The following TPGS2 variants were observed in gnomAD, a reference collection of about 807,000 sequenced individuals.
TPGS2 encodes tubulin polyglutamylase complex subunit 2.
Under a neutral mutation model 31.1 loss-of-function variants are expected in TPGS2, and 26 were observed. That is an observed-to-expected ratio of 0.84 (90% CI 0.61 to 1.16). TPGS2 has a LOEUF of 1.16. Ranked by LOEUF, TPGS2 falls within the 50% of genes most tolerant of loss-of-function variation. The pLI, the probability that TPGS2 is intolerant of heterozygous loss-of-function variation, is 0.00. For missense variants in TPGS2, 351 were observed against 363.8 expected (o/e 0.96, Z 0.29); for synonymous variants, 130 against 136.6 (o/e 0.95, Z 0.34).
chr18:36,825,153 C>T (rs2046073607), intron 1 of TPGS2, among the ~76,000 whole-genome samples: 1 of 152,114 alleles, frequency 6.6e-6, no homozygotes, highest in South Asian at 2.1e-4. Flanking sequence ...ATGAATCAGG[C>T]CGGGCACGGT....
intron 2 of TPGS2, among the ~76,000 whole-genome samples, chr18:36,809,797 T>C (rs1159915344): frequency 6.6e-6 from 1 of 152,142 alleles, no homozygotes; most frequent in East Asian, 1.9e-4. Context: ...TATCCGCCTT[T>C]CTTAATGGGG....
chr18:36,787,045 C>T (rs1375932265), intron 6 of TPGS2: 5 of 1,233,672 alleles, frequency 4.1e-6, no homozygotes, highest in East Asian at 3.2e-5. Context: ...CCAGTGAACA[C>T]ATTTTCTTCT....
At chr18:36,800,389 T>C in intron 4 of TPGS2, 78 bp from the exon 5 acceptor site, 1 of 1,220,854 alleles carries the variant, frequency 8.2e-7, no homozygotes, top group East Asian at 2.3e-5. Context: ...CTTTGCTAGG[T>C]GGAAAAAACA....
At position 36,796,843 on chromosome 18, in the gene TPGS2, T is replaced by TAGA. The variant is rs754057258; in HGVS notation, c.862_864dup (p.Ser288dup). 6.2e-6 allele frequency: 10 copies of TAGA among 1,606,392 alleles called. No individual in the cohort carries two copies. The highest frequency in any genetic ancestry group is 1.1e-5 in the South Asian group (1 of 89,060). On this transcript the variant is annotated inframe_insertion, in exon 7 of 7. Coordinates refer to ENST00000334295, the MANE Select transcript of TPGS2 (RefSeq NM_015476.4). ...GGGTTTCCAGAGCCAGAGGAGGATT[T>TAGA]AGAAGTGGAGGAAGTGGAGGGACCG...
At chr18:36,803,308 ACTGCTGAT>A in intron 4 of TPGS2, among the ~76,000 whole-genome samples, 1 of 151,938 alleles carries the variant, frequency 6.6e-6, no homozygotes, top group East Asian at 1.9e-4. Context: ...TCTGGTAACC[ACTGCTGAT>A]CTGTTACCTG....
chr18:36,814,098 A>G (rs1470263584), intron 2 of TPGS2, among the ~76,000 whole-genome samples: 3 of 152,226 alleles, frequency 2.0e-5, no homozygotes, highest in Non-Finnish European at 4.4e-5. Context: ...AGTAAACTGA[A>G]TTTTTATCTG....
At chr18:36,786,025 G>A (rs2044117938) in intron 6 of TPGS2, among the ~76,000 whole-genome samples, 1 of 151,146 alleles carries the variant, frequency 6.6e-6, no homozygotes, top group Non-Finnish European at 1.5e-5. Flanking sequence ...TATGGCCCAT[G>A]TTCTCTTAGG....
At chr18:36,822,494 T>C (rs945215826) in intron 1 of TPGS2, among the ~76,000 whole-genome samples, 1 of 152,226 alleles carries the variant, frequency 6.6e-6, no homozygotes, top group African/African-American at 2.4e-5. Flanking sequence ...TCTTTTTATA[T>C]TTAACATTTG....
At chr18:36,781,798 C>T (rs909133505), downstream of TPGS2, 15 of 985,348 alleles carry the variant, frequency 1.5e-5, no homozygotes, top group South Asian at 2.8e-4. Flanking sequence ...ACCCCACTTA[C>T]GGAGACAGGG....
At chr18:36,797,475 T>C (rs1484698846) in intron 6 of TPGS2, among the ~76,000 whole-genome samples, 1 of 148,336 alleles carries the variant, frequency 6.7e-6, no homozygotes, top group Non-Finnish European at 1.5e-5. Flanking sequence ...TGTGGGCCTC[T>C]GCTGAGGGAT....
At chr18:36,827,427 A>G (rs546154260) in intron 1 of TPGS2, among the ~76,000 whole-genome samples, 1 of 152,368 alleles carries the variant, frequency 6.6e-6, no homozygotes, top group Admixed American at 6.5e-5. Flanking sequence ...TGAAGAAGCG[A>G]GACATTCAGA....
chr18:36,798,174 G>C, intron 6 of TPGS2: 1 of 1,259,874 alleles, frequency 7.9e-7, no homozygotes, highest in Non-Finnish European at 1.0e-6. Flanking sequence ...CCCAGAACAA[G>C]TCATGGGACA....
intron 1 of TPGS2, among the ~76,000 whole-genome samples, chr18:36,823,137 C>T (rs906705890): frequency 1.3e-5 from 2 of 152,222 alleles, no homozygotes; most frequent in Admixed American, 6.5e-5. Context: ...AAGCCTGGCA[C>T]GGCATGACTG....
At chr18:36,797,157 A>G in intron 6 of TPGS2, 107 bp from the exon 7 acceptor site, 2 of 1,548,240 alleles carry the variant, frequency 1.3e-6, no homozygotes, top group East Asian at 2.3e-5. Flanking sequence ...GCAGAGGTAC[A>G]TTTTCATGAA....
intron 2 of TPGS2, among the ~76,000 whole-genome samples, chr18:36,815,480 T>A (rs1473064909): frequency 6.6e-6 from 1 of 152,056 alleles, no homozygotes; most frequent in East Asian, 1.9e-4. Flanking sequence ...ATATCTGACA[T>A]ACACTTCAAG....
intron 1 of TPGS2, among the ~76,000 whole-genome samples, chr18:36,828,460 A>C (rs11662148): frequency 0.12 from 18,497 of 151,922 alleles, 1,387 homozygotes; most frequent in Admixed American, 0.17. Context: ...AGTGGGGGAA[A>C]CTTCAGGCTT....
intron 4 of TPGS2, among the ~76,000 whole-genome samples, chr18:36,804,375 G>A (rs1171414562): frequency 1.3e-5 from 2 of 152,104 alleles, no homozygotes; most frequent in Non-Finnish European, 2.9e-5. Context: ...TCAAGAGCAG[G>A]GAAGACTTAG....
At position 36,818,932 on chromosome 18, in the gene TPGS2, G is replaced by A. The variant is rs1001258107; in HGVS notation, c.127C>T (p.Pro43Ser). Residue 43 changes from proline to serine, a missense_variant, in exon 2 of 7, where the codon CCT becomes TCT. By Grantham distance (74) the Pro-to-Ser change is moderately conservative. Transcript: ENST00000334295. ...GVTEVTIIEKPPAERHMISSW... is the reference protein window; with the variant it reads ...GVTEVTIIEKSPAERHMISSW... ...GAAATCATATGACGTTCAGCAGGAG[G>A]CTTTTCTATGATGGTCACCTCAGTC... The A allele has an allele frequency of 6.2e-7, 1 of 1,613,770 alleles. No individual in the cohort carries two copies. Among genetic ancestry groups the A allele is most frequent in the Non-Finnish European group, 8.5e-7 (1 of 1,179,754 alleles).
In TPGS2 at chr18:36,794,359, T is replaced by C; in HGVS notation, c.*2446A>G. The C allele has an allele frequency of 1.0e-6, 1 of 985,502 alleles. No homozygotes were observed. Among genetic ancestry groups the C allele is most frequent in the Non-Finnish European group, 1.2e-6 (1 of 829,976 alleles). The allele number at this position is 985,502 out of a possible 1,614,324, so 61.0% of individuals were successfully genotyped here. On this transcript the variant is annotated 3_prime_UTR_variant, in exon 7 of 7. Coordinates refer to ENST00000334295, the MANE Select transcript of TPGS2 (RefSeq NM_015476.4). ...GAGGCAGGTCTTGAGCCTTTCCTTA[T>C]CATAACCCCCTTCCTTTGATAGCCT... is the stretch of plus-strand genomic sequence containing the variant.
Sources: allele counts gnomAD v4.1 joint callset (sites outside exome capture counted in the v4.1 genomes callset), GRCh38; gene constraint gnomAD v4.1.1; transcripts MANE v1.5; gene names NCBI Gene and HGNC (gene_info 2026-07-23, HGNC 2026-07-21).